The following SMC1B variants were observed in gnomAD, a reference collection of about 807,000 sequenced individuals.
SMC1B encodes the protein structural maintenance of chromosomes 1B, also known as structural maintenance of chromosomes protein 1B.
SMC1B carries 60 observed loss-of-function variants against 157.9 expected under a neutral mutation model. The observed-to-expected ratio is 0.38, with a 90% CI of 0.31 to 0.47. The LOEUF (loss-of-function observed/expected upper bound fraction) is 0.47, where lower values mean the gene tolerates loss of function less well. SMC1B is among the 20% of genes least tolerant of loss of function. The pLI is 0.99. For synonymous variants in SMC1B, 445 were observed against 483.0 expected, an observed-to-expected ratio of 0.92 and a Z score of 1.03; for missense variants, 1,165 against 1,426.2, an observed-to-expected ratio of 0.82 and a Z score of 2.95.
chr22:45,388,986 C>CAAAAA lies in SMC1B; in HGVS notation c.1731+721_1731+725dup, dbSNP rs371475132. On this transcript the variant is annotated intron_variant, in intron 10 of 24. Transcript: ENST00000357450. ...TGGGCGAAAGAGCAAGACTCTGCCT[C>CAAAAA]AAAAAAAAAAAAAAAAAAGAAAAAG... Among the ~76,000 whole-genome samples, 48 of 54,396 alleles carry CAAAAA rather than the reference C, an allele frequency of 8.8e-4. 1 individual carries two copies. Among genetic ancestry groups the CAAAAA allele is most frequent in the East Asian group, 1.7e-3 (3 of 1,762 alleles). The allele number at this position is 54,396 out of a possible 152,430, so 35.7% of individuals were successfully genotyped here.
chr22:45,389,435 A>G (rs913499904), intron 10 of SMC1B, among the ~76,000 whole-genome samples: 9 of 152,250 alleles, frequency 5.9e-5, no homozygotes, highest in Admixed American at 2.0e-4. Context: ...TTGCTGGCTA[A>G]TAGGTAGAGT....
At chr22:45,395,472 A>G (rs1374135549) in intron 7 of SMC1B, among the ~76,000 whole-genome samples, 6 of 152,228 alleles carry the variant, frequency 3.9e-5, no homozygotes, top group African/African-American at 1.4e-4. Flanking sequence ...AATGGACACA[A>G]TTAGAATCCT....
chr22:45,383,920 A>G (rs962949894), intron 11 of SMC1B, among the ~76,000 whole-genome samples: 2 of 152,232 alleles, frequency 1.3e-5, no homozygotes, highest in African/African-American at 2.4e-5. Context: ...GCTTGTACAC[A>G]TATCATTTCA....
At chr22:45,399,762 T>C (rs916930211) in intron 5 of SMC1B, among the ~76,000 whole-genome samples, 6 of 152,358 alleles carry the variant, frequency 3.9e-5, no homozygotes, top group African/African-American at 1.4e-4. Flanking sequence ...GAAAACATGC[T>C]GACCTAATTC....
intron 8 of SMC1B, 25 bp from the exon 9 acceptor site, chr22:45,393,866 A>C (rs767481768): frequency 1.3e-6 from 2 of 1,561,686 alleles, no homozygotes; most frequent in Non-Finnish European, 1.7e-6. Context: ...CAAATTATAC[A>C]GCAAAATGAT....
At chr22:45,356,612 C>A (rs993151710) in intron 19 of SMC1B, among the ~76,000 whole-genome samples, 1 of 151,912 alleles carries the variant, frequency 6.6e-6, no homozygotes, top group Non-Finnish European at 1.5e-5. Flanking sequence ...AGGCAGGAAA[C>A]AGTCAATTAT....
At chr22:45,371,435 C>G in intron 14 of SMC1B, 36 bp downstream of exon 14, 3 of 1,548,922 alleles carry the variant, frequency 1.9e-6, no homozygotes, top group Non-Finnish European at 2.6e-6. Context: ...TCTAGAACTA[C>G]ATATACCATT....
chr22:45,366,582 A>G, intron 15 of SMC1B, among the ~76,000 whole-genome samples: 1 of 152,206 alleles, frequency 6.6e-6, no homozygotes. Context: ...TATGCACCTA[A>G]TAACAAGGCT....
chr22:45,397,026 G>T (rs941024595), intron 6 of SMC1B, among the ~76,000 whole-genome samples: 1 of 151,982 alleles, frequency 6.6e-6, no homozygotes, highest in African/African-American at 2.4e-5. Flanking sequence ...CATTTTTATC[G>T]TTTATCTCTT....
chr22:45,345,407 C>A, intron 24 of SMC1B, 52 bp downstream of exon 24: 1 of 1,116,336 alleles, frequency 9.0e-7, no homozygotes, highest in Non-Finnish European at 1.3e-6. Flanking sequence ...TGTCAGGGTA[C>A]TAAGGGAAGT....
chr22:45,393,117 AC>A (rs2087081278), intron 9 of SMC1B, among the ~76,000 whole-genome samples: 1 of 152,148 alleles, frequency 6.6e-6, no homozygotes, highest in South Asian at 2.1e-4. Flanking sequence ...ATCAGATGCC[AC>A]CCCGATACAA....
At position 45,344,316 on chromosome 22, in the gene SMC1B, TTTTG is replaced by T. The variant is rs1569169066; in HGVS notation, c.*236_*239del. 2 of 296,232 alleles carry T rather than the reference TTTTG, an allele frequency of 6.8e-6. No homozygotes were observed. Among genetic ancestry groups the T allele is most frequent in the South Asian group, 1.4e-4 (1 of 7,328 alleles). 18.4% of individuals were successfully genotyped at this position (296,232 alleles called of 1,614,324 possible). On this transcript the variant is annotated 3_prime_UTR_variant, in exon 25 of 25. Coordinates refer to ENST00000357450, the MANE Select transcript of SMC1B (RefSeq NM_148674.5). ...TAGAATTATAGTACAAAATTGTACC[TTTTG>T]TTTGTTTTTTAAAAACTCATTTGAC... is the stretch of plus-strand genomic sequence containing the variant.
chr22:45,355,616 G>A (rs1252112573), intron 19 of SMC1B, among the ~76,000 whole-genome samples: 2 of 152,264 alleles, frequency 1.3e-5, no homozygotes, highest in East Asian at 3.9e-4. Flanking sequence ...ACAGCGAAGT[G>A]AAAAGACTTC....
chr22:45,408,550 G>A (rs762018473), intron 2 of SMC1B, among the ~76,000 whole-genome samples, 160 bp downstream of exon 2: 6 of 152,118 alleles, frequency 3.9e-5, no homozygotes, highest in Non-Finnish European at 7.3e-5. Context: ...GAATCAAACA[G>A]GTTCTGTTAC....
At chr22:45,350,269 T>TC (rs1555923916) in intron 22 of SMC1B, among the ~76,000 whole-genome samples, 1 of 105,730 alleles carries the variant, frequency 9.5e-6, no homozygotes, top group Non-Finnish European at 1.7e-5. Context: ...TTTTTTTTTT[T>TC]AATTTTTTTT....
At chr22:45,353,922 A>AAAAAAAAAAAAAAAC in intron 21 of SMC1B, 56 bp downstream of exon 21, 2 of 1,033,196 alleles carry the variant, frequency 1.9e-6, no homozygotes, top group Non-Finnish European at 2.8e-6. Context: ...AAAAAAAAAC[A>AAAAAAAAAAAAAAAC]ACCACCACCG....
At chr22:45,354,212 T>C in intron 20 of SMC1B, 80 bp from the exon 21 acceptor site, 1 of 1,174,002 alleles carries the variant, frequency 8.5e-7, no homozygotes, top group Non-Finnish European at 1.1e-6. Context: ...TAAAATATTT[T>C]TAAAATTGGA....
At chr22:45,347,745 C>T (rs1003558515) in intron 23 of SMC1B, among the ~76,000 whole-genome samples, 14 of 152,300 alleles carry the variant, frequency 9.2e-5, no homozygotes, top group African/African-American at 2.6e-4. Flanking sequence ...TGAGCCATCA[C>T]GCCTGGCCCA....
rs1017053162 is a variant in SMC1B at position 45,344,510 on chromosome 22, A to G, written c.*46T>C. 2.2e-6 allele frequency: 3 copies of G among 1,356,136 alleles called. No homozygotes were observed. The highest frequency in any genetic ancestry group is 3.2e-6 in the Non-Finnish European group (3 of 946,444). The allele number at this position is 1,356,136 out of a possible 1,614,324, so 84.0% of individuals were successfully genotyped here. A position where few individuals can be genotyped will look rare whatever the true frequency, so the allele number is the denominator to read the frequency against. ...CCTGTGGAGGAGCTGTGTGAGTATT[A>G]GAGTGGGAACTGAACAGTGATCAGG... On this transcript the variant is annotated 3_prime_UTR_variant, in exon 25 of 25. Transcript: ENST00000357450.
Sources: allele counts gnomAD v4.1 joint callset (sites outside exome capture counted in the v4.1 genomes callset), GRCh38; gene constraint gnomAD v4.1.1; transcripts MANE v1.5; gene names NCBI Gene and HGNC (gene_info 2026-07-23, HGNC 2026-07-21).